The following STXBP5L variants were observed in gnomAD, a reference collection of about 807,000 sequenced individuals.
STXBP5L encodes syntaxin binding protein 5L, also known as syntaxin-binding protein 5-like.
STXBP5L carries 65 observed loss-of-function variants against 144.5 expected under a neutral mutation model. The ratio of observed to expected loss-of-function variants is 0.45; its 90% CI spans 0.37 to 0.55. The LOEUF (loss-of-function observed/expected upper bound fraction) is 0.55, where lower values mean the gene tolerates loss of function less well. Ranked by LOEUF, STXBP5L falls within the 20% of genes least tolerant of loss-of-function variation. The pLI is 0.00. For synonymous variants in STXBP5L, 505 were observed against 469.6 expected (o/e 1.08, Z -0.97); for missense variants, 1,298 against 1,405.5 (o/e 0.92, Z 1.22).
At chr3:121,021,874 A>G (rs1377722488) in intron 3 of STXBP5L, among the ~76,000 whole-genome samples, 1 of 152,096 alleles carries the variant, frequency 6.6e-6, no homozygotes, top group Non-Finnish European at 1.5e-5. Flanking sequence ...ACAAGAACAA[A>G]CCAAACCAAA....
intron 3 of STXBP5L, among the ~76,000 whole-genome samples, chr3:120,982,864 A>G (rs1941923067): frequency 6.6e-6 from 1 of 152,148 alleles, no homozygotes; most frequent in African/African-American, 2.4e-5. Flanking sequence ...GGTATGCATG[A>G]GTCCTGGTTG....
intron 21 of STXBP5L, among the ~76,000 whole-genome samples, chr3:121,380,957 C>T (rs895591118): frequency 2.0e-5 from 3 of 152,078 alleles, no homozygotes; most frequent in African/African-American, 7.2e-5. Context: ...GTCAGAAATT[C>T]TTGTAACCAT....
chr3:121,008,331 C>T (rs559647696), intron 3 of STXBP5L, among the ~76,000 whole-genome samples: 1 of 152,040 alleles, frequency 6.6e-6, no homozygotes, highest in South Asian at 2.1e-4. Context: ...CAAGTGGTAG[C>T]CTTAGGTTTA....
intron 7 of STXBP5L, among the ~76,000 whole-genome samples, chr3:121,128,399 C>A (rs530303488): frequency 4.6e-5 from 7 of 152,224 alleles, no homozygotes; most frequent in African/African-American, 1.7e-4. Context: ...TTTGTTCTGG[C>A]AACTCACCTT....
intron 3 of STXBP5L, among the ~76,000 whole-genome samples, chr3:120,980,553 A>C (rs889874468): frequency 6.6e-6 from 1 of 152,022 alleles, no homozygotes; most frequent in Non-Finnish European, 1.5e-5. Flanking sequence ...ATTTGCATAA[A>C]ATATCTGTTT....
intron 22 of STXBP5L, among the ~76,000 whole-genome samples, chr3:121,394,990 A>AT (rs1040809396): frequency 8.5e-5 from 13 of 152,122 alleles, no homozygotes; most frequent in African/African-American, 2.9e-4. Context: ...CCCTTTTGTC[A>AT]TTTTTTAGTG....
chr3:121,165,071 G>C (rs2046453491), intron 9 of STXBP5L, among the ~76,000 whole-genome samples: 1 of 152,172 alleles, frequency 6.6e-6, no homozygotes, highest in South Asian at 2.1e-4. Flanking sequence ...TGATGGATAT[G>C]TTAACTTGCC....
intron 22 of STXBP5L, among the ~76,000 whole-genome samples, chr3:121,389,231 G>T (rs918311560): frequency 1.3e-5 from 2 of 152,140 alleles, no homozygotes; most frequent in African/African-American, 4.8e-5. Flanking sequence ...GGGATGAGTG[G>T]TGATATCCCT....
intron 10 of STXBP5L, among the ~76,000 whole-genome samples, chr3:121,210,146 T>C (rs961062442): frequency 3.9e-5 from 6 of 152,094 alleles, no homozygotes; most frequent in Non-Finnish European, 8.8e-5. Context: ...TGAGATGGTA[T>C]CTCATTGTGG....
chr3:120,914,107 A>C (rs1256629205), intron 2 of STXBP5L, among the ~76,000 whole-genome samples: 1 of 152,052 alleles, frequency 6.6e-6, no homozygotes, highest in Non-Finnish European at 1.5e-5. Flanking sequence ...GTTTTTATTG[A>C]AGAAGATATT....
At chr3:121,325,951 G>T (rs1352672772) in intron 20 of STXBP5L, among the ~76,000 whole-genome samples, 1 of 151,208 alleles carries the variant, frequency 6.6e-6, no homozygotes, top group African/African-American at 2.4e-5. Flanking sequence ...AGACTTCAAG[G>T]TCCTCTGATT....
At chr3:121,346,492 G>T (rs945804809) in intron 20 of STXBP5L, among the ~76,000 whole-genome samples, 10 of 152,092 alleles carry the variant, frequency 6.6e-5, no homozygotes, top group African/African-American at 2.4e-4. Context: ...GGGTCAAATG[G>T]TATTTCTAGT....
intron 3 of STXBP5L, among the ~76,000 whole-genome samples, chr3:121,035,825 T>G (rs1460738583): frequency 6.6e-6 from 1 of 152,170 alleles, no homozygotes; most frequent in Non-Finnish European, 1.5e-5. Context: ...TCTAGATCAA[T>G]TTAGGGAAAG....
intron 2 of STXBP5L, among the ~76,000 whole-genome samples, chr3:120,927,860 T>C (rs1709718591): frequency 6.6e-6 from 1 of 152,218 alleles, no homozygotes; most frequent in African/African-American, 2.4e-5. Context: ...ACAATTTCTG[T>C]CTTCATACAA....
intron 20 of STXBP5L, among the ~76,000 whole-genome samples, chr3:121,358,830 G>T (rs2045613383): frequency 6.6e-6 from 1 of 152,122 alleles, no homozygotes; most frequent in South Asian, 2.1e-4. Flanking sequence ...TTTATTCTTT[G>T]ATATGATTGA....
At chr3:121,052,037 G>C (rs979650345) in intron 5 of STXBP5L, among the ~76,000 whole-genome samples, 1 of 152,288 alleles carries the variant, frequency 6.6e-6, no homozygotes, top group South Asian at 2.1e-4. Flanking sequence ...CCAGGGAGAC[G>C]TTGAATATCT....
chr3:120,919,607 G>A (rs1709266476), intron 2 of STXBP5L, among the ~76,000 whole-genome samples: 1 of 151,982 alleles, frequency 6.6e-6, no homozygotes, highest in East Asian at 1.9e-4. Flanking sequence ...CTCCTTTGCT[G>A]TTTGAGGTAA....
intron 20 of STXBP5L, among the ~76,000 whole-genome samples, chr3:121,345,601 T>C (rs2044929205): frequency 6.6e-6 from 1 of 152,114 alleles, no homozygotes; most frequent in African/African-American, 2.4e-5. Context: ...TCCACAATGG[T>C]TGAACTAATT....
intron 7 of STXBP5L, among the ~76,000 whole-genome samples, chr3:121,126,594 G>T (rs771328313): frequency 9.2e-5 from 14 of 152,176 alleles, no homozygotes; most frequent in Non-Finnish European, 1.6e-4. Flanking sequence ...TAGTCATGGT[G>T]TTTAATTGAT....
Sources: gnomAD v4.1 joint callset for allele counts (sites outside exome capture counted in the v4.1 genomes callset) on GRCh38, gnomAD v4.1.1 for gene constraint, MANE v1.5 for transcripts, NCBI Gene and HGNC (gene_info 2026-07-23, HGNC 2026-07-21) for gene names.